The following FCGR2B variants were observed in gnomAD, a reference collection of about 807,000 sequenced individuals.
FCGR2B encodes Fc gamma receptor IIb.
A neutral mutation model predicts 24.8 loss-of-function variants in FCGR2B; 18 were observed. That is an observed-to-expected ratio of 0.73 (90% CI 0.50 to 1.08). The LOEUF (loss-of-function observed/expected upper bound fraction) is 1.08, where lower values mean the gene tolerates loss of function less well. Among genes scored for constraint, FCGR2B ranks in the 50% least tolerant of loss-of-function variants. FCGR2B has a pLI of 0.00. For missense variants in FCGR2B, 215 were observed against 297.6 expected, an observed-to-expected ratio of 0.72 and a Z score of 2.04; for synonymous variants, 79 against 109.8, an observed-to-expected ratio of 0.72 and a Z score of 1.75.
chr1:161,674,462 T>G (rs6667381), intron 5 of FCGR2B: 9 of 365,530 alleles, frequency 2.5e-5, no homozygotes, highest in Non-Finnish European at 4.2e-5. Context: ...GAGAAGGTCT[T>G]GGGGAGAGCA....
At position 161,671,426 on chromosome 1, in the gene FCGR2B, C is replaced by A. The variant is rs776385231; in HGVS notation, c.168C>A (p.Pro56=). The part of the protein sequence containing the change: ...APPKAVLKLE[P]QWINVLQEDS... ...CAAAGGCTGTGCTGAAACTCGAGCC[C>A]CAGTGGATCAACGTGCTCCAGGAGG... Residue 56 remains proline (P), a synonymous_variant, in exon 3 of 8, where the codon CCC becomes CCA. Coordinates refer to ENST00000358671, the MANE Select transcript of FCGR2B (RefSeq NM_001394477.1). The A allele has an allele frequency of 4.0e-5, 64 of 1,614,076 alleles. 1 individual carries two copies. The South Asian group carries it at 6.5e-4, about 16-fold the overall frequency.
the FCGR2B span, among the ~76,000 whole-genome samples, chr1:161,652,045 AGTGT>A: frequency 0.069 from 7,200 of 104,528 alleles, 692 homozygotes; most frequent in South Asian, 0.13. Context: ...TATGTTTAGG[AGTGT>A]GTGTGTGTGT....
rs992291520 is a variant in FCGR2B at position 161,673,000 on chromosome 1, C to A, written c.417C>A (p.His139Gln). Residue 139 changes from histidine to glutamine, a missense_variant, in exon 4 of 8, where the codon CAC (histidine) becomes CAA (glutamine). This residue lies in a region of FCGR2B where 39 missense variants were observed against 73.3 expected (regional missense o/e 0.53). Coordinates refer to ENST00000358671, the MANE Select transcript of FCGR2B (RefSeq NM_001394477.1). ...LSEWLVLQTP[H>Q]LEFQEGETIV... The stretch of plus-strand genomic sequence containing the variant: ...AGTGGCTGGTGCTCCAGACCCCTCA[C>A]CTGGAGTTCCAGGAGGGAGAAACCA... 1 of 1,613,104 alleles carries A rather than the reference C, an allele frequency of 6.2e-7. No individual in the cohort carries two copies. Among genetic ancestry groups the A allele is most frequent in the South Asian group, 1.1e-5 (1 of 90,972 alleles).
intron 6 of FCGR2B, chr1:161,676,472 AC>A (rs1682147275): frequency 5.6e-6 from 1 of 177,780 alleles, no homozygotes; most frequent in South Asian, 2.0e-4. Context: ...TTCACAAGGC[AC>A]TTTTGCAGCC....
intron 2 of FCGR2B, 117 bp from the exon 3 acceptor site, chr1:161,671,275 T>C: frequency 2.0e-6 from 3 of 1,535,506 alleles, no homozygotes; most frequent in Non-Finnish European, 2.7e-6. Flanking sequence ...ATTCTGGGCC[T>C]GGCTCGGCTT....
chr1:161,661,244 A>AAGAC (rs1169215927), upstream of FCGR2B, among the ~76,000 whole-genome samples: 47 of 57,654 alleles, frequency 8.2e-4, 1 homozygote, highest in African/African-American at 2.6e-3. Context: ...GAAAGAAAGA[A>AAGAC]AGAAAGAAAG....
chr1:161,668,621 T>TG (rs963523147), intron 1 of FCGR2B, among the ~76,000 whole-genome samples: 1 of 61,058 alleles, frequency 1.6e-5, no homozygotes, highest in African/African-American at 5.9e-5. Context: ...TCAGTGGAAG[T>TG]AGGGACTTAA....
Position 161,677,378 on chromosome 1 carries a change from A to G in FCGR2B, c.855+13A>G, listed in dbSNP as rs534311877. The G allele has an allele frequency of 9.9e-6, 16 of 1,612,972 alleles. No homozygotes were observed. The highest frequency in any genetic ancestry group is 1.4e-5 in the Non-Finnish European group (16 of 1,179,482). On this transcript the variant is annotated intron_variant, in intron 7 of 7. Transcript: ENST00000358671. ...TGACAAAGTTGGGGTGAGTGATCCCAGCCATCTCCCCCTCCCTTCTCCCCT... is the reference window on the plus strand; with the variant it reads ...TGACAAAGTTGGGGTGAGTGATCCCGGCCATCTCCCCCTCCCTTCTCCCCT...
chr1:161,663,805 GC>G (rs1209877052), intron 1 of FCGR2B, among the ~76,000 whole-genome samples: 1 of 152,262 alleles, frequency 6.6e-6, no homozygotes, highest in African/African-American at 2.4e-5. Context: ...CATTCTCTGT[GC>G]CCCTGAAACC....
At chr1:161,675,444 G>A in intron 6 of FCGR2B, 131 bp downstream of exon 6, 1 of 608,448 alleles carries the variant, frequency 1.6e-6, no homozygotes, top group Non-Finnish European at 2.8e-6. Context: ...AGGATGGCTG[G>A]GGCTCAAATC....
the FCGR2B span, among the ~76,000 whole-genome samples, chr1:161,647,343 C>T: frequency 6.9e-6 from 1 of 145,030 alleles, no homozygotes; most frequent in Non-Finnish European, 1.5e-5. Flanking sequence ...TCTTGTCACC[C>T]AGGCTGGAGT....
Position 161,675,279 on chromosome 1 carries a change from C to T in FCGR2B, c.783C>T (p.Cys261=), listed in dbSNP as rs751338951. The change falls in exon 6 of 8, where the codon TGC becomes TGT. Residue 261 remains cysteine, a synonymous_variant. Transcript: ENST00000358671. ...RISALPGYPE[C]REMGETLPEK... ...CAGCTCTCCCAGGATACCCTGAGTGCAGGGAAATGGGAGAGACCCTCCCTG... is the reference window on the plus strand; with the variant it reads ...CAGCTCTCCCAGGATACCCTGAGTGTAGGGAAATGGGAGAGACCCTCCCTG... The T allele has an allele frequency of 5.0e-6, 8 of 1,606,198 alleles. No individual in the cohort carries two copies. The highest frequency in any genetic ancestry group is 1.1e-5 in the South Asian group (1 of 89,668).
upstream of FCGR2B, among the ~76,000 whole-genome samples, chr1:161,661,189 GGAAAGAAAGAAAGAAAGAAAGAAAGAAA>G (rs201423251): frequency 3.8e-3 from 267 of 70,594 alleles, 22 homozygotes; most frequent in African/African-American, 7.6e-3. Flanking sequence ...AAGGAAGAAA[GGAAAGAAAGAAAGAAAGAAAGAAAGAAA>G]GAAAGAAAGA....
In FCGR2B at chr1:161,671,543, G is replaced by A. The variant is rs201949883; in HGVS notation, c.285G>A (p.Thr95=). The A allele has an allele frequency of 1.9e-5, 30 of 1,614,014 alleles. No individual in the cohort carries two copies. In the Middle Eastern group the frequency reaches 4.9e-4, roughly 27 times the overall value. Residue 95 remains threonine, a synonymous_variant, in exon 3 of 8, where the codon ACG becomes ACA. Coordinates refer to ENST00000358671, the MANE Select transcript of FCGR2B (RefSeq NM_001394477.1). Reference sequence around the variant, plus strand: ...ATGGGAATCTCATTCCCACCCACACGCAGCCCAGCTACAGGTTCAAGGCCA... The same window carrying A: ...ATGGGAATCTCATTCCCACCCACACACAGCCCAGCTACAGGTTCAAGGCCA... ...FHNGNLIPTH[T]QPSYRFKANN...
rs761171244 is a variant in FCGR2B at position 161,671,459 on chromosome 1, G to A, written c.201G>A (p.Val67=). The change falls in exon 3 of 8, where the codon GTG becomes GTA. Residue 67 remains valine, a synonymous_variant. Coordinates refer to ENST00000358671, the MANE Select transcript of FCGR2B (RefSeq NM_001394477.1). ...QWINVLQEDS[V]TLTCRGTHSP... ...TCAACGTGCTCCAGGAGGACTCTGTGACTCTGACATGCCGGGGGACTCACA... is the reference window on the plus strand; with the variant it reads ...TCAACGTGCTCCAGGAGGACTCTGTAACTCTGACATGCCGGGGGACTCACA... The A allele has an allele frequency of 9.3e-6, 15 of 1,614,216 alleles. No individual in the cohort carries two copies. Among genetic ancestry groups the A allele is most frequent in the African/African-American group, 2.7e-5 (2 of 75,052 alleles).
intron 3 of FCGR2B, 110 bp from the exon 4 acceptor site, chr1:161,672,865 C>A: frequency 6.1e-6 from 9 of 1,486,208 alleles, no homozygotes; most frequent in Non-Finnish European, 8.1e-6. Flanking sequence ...TGTCTGATTT[C>A]AGACCTAAGC....
At position 161,677,565 on chromosome 1, in the gene FCGR2B, T is replaced by C; in HGVS notation, c.*12T>C. The C allele has an allele frequency of 3.8e-6, 6 of 1,592,464 alleles. No homozygotes were observed. The highest frequency in any genetic ancestry group is 2.6e-6 in the Non-Finnish European group (3 of 1,162,768). Reference sequence around the variant, plus strand: ...AGAACCGTATTTAGTCTCCATTGTCTTGCATTGGGATTTGAGAAGAAAATC... The same window carrying C: ...AGAACCGTATTTAGTCTCCATTGTCCTGCATTGGGATTTGAGAAGAAAATC... On this transcript the variant is annotated 3_prime_UTR_variant, in exon 8 of 8. Coordinates refer to ENST00000358671, the MANE Select transcript of FCGR2B (RefSeq NM_001394477.1).
the FCGR2B span, among the ~76,000 whole-genome samples, chr1:161,648,756 C>A: frequency 6.6e-6 from 1 of 150,754 alleles, no homozygotes; most frequent in Non-Finnish European, 1.5e-5. Context: ...GTGGCGCAAG[C>A]TTGGCTCATT....
At chr1:161,656,008 A>G in the FCGR2B span, among the ~76,000 whole-genome samples, 28,576 of 122,990 alleles carry the variant, frequency 0.23, 3,653 homozygotes, top group Middle Eastern at 0.32. Context: ...GGCACGTGCC[A>G]CAACCCCTGG....
Sources: allele counts gnomAD v4.1 joint callset (sites outside exome capture counted in the v4.1 genomes callset), GRCh38; gene constraint gnomAD v4.1.1; regional missense constraint gnomAD v4.1.1; transcripts MANE v1.5; gene names NCBI Gene and HGNC (gene_info 2026-07-23, HGNC 2026-07-21).